Variants in EVI5 observed in about 807,000 individuals in gnomAD.
EVI5 encodes the protein ecotropic viral integration site 5 protein homolog.
A neutral mutation model predicts 112.0 loss-of-function variants in EVI5; 73 were observed. That is an observed-to-expected ratio of 0.65 (90% CI 0.54 to 0.79). The LOEUF is 0.79. Ranked by LOEUF, EVI5 falls within the 30% of genes least tolerant of loss-of-function variation. EVI5 has a pLI of 0.00. For missense variants in EVI5, 900 were observed against 968.8 expected (o/e 0.93, Z 0.94); for synonymous variants, 305 against 319.9 (o/e 0.95, Z 0.50).
chr1:92,708,285 A>G (rs1179463061), intron 2 of EVI5, among the ~76,000 whole-genome samples: 1 of 152,162 alleles, frequency 6.6e-6, no homozygotes, highest in Non-Finnish European at 1.5e-5. Context: ...AACCCTTACA[A>G]ATCAACAATA....
At chr1:92,641,436 G>A (rs527372949) in intron 13 of EVI5, among the ~76,000 whole-genome samples, 1 of 152,220 alleles carries the variant, frequency 6.6e-6, no homozygotes, top group African/African-American at 2.4e-5. Flanking sequence ...CATAGGAAGT[G>A]GAAGTTGAAT....
chr1:92,543,475 T>C (rs1557748848), intron 19 of EVI5, among the ~76,000 whole-genome samples: 1 of 152,220 alleles, frequency 6.6e-6, no homozygotes, highest in Non-Finnish European at 1.5e-5. Flanking sequence ...CACTCAAACT[T>C]TCTCCATATC....
intron 1 of EVI5, among the ~76,000 whole-genome samples, chr1:92,736,840 T>C (rs1026654889): frequency 1.3e-5 from 2 of 152,186 alleles, no homozygotes; most frequent in African/African-American, 4.8e-5. Context: ...CAGAACAGTG[T>C]TCCAAACTGA....
At chr1:92,602,700 C>T (rs1557878448) in intron 18 of EVI5, among the ~76,000 whole-genome samples, 2 of 152,146 alleles carry the variant, frequency 1.3e-5, no homozygotes, top group East Asian at 3.9e-4. Flanking sequence ...AGTTACTGTG[C>T]CCTGTAAAAA....
rs552391447 is a variant in EVI5, at chr1:92,784,747, G to A, written c.-82+89C>T. On this transcript the variant is annotated intron_variant, in intron 1 of 19. Coordinates refer to ENST00000684568, the MANE Select transcript of EVI5 (RefSeq NM_001350197.2). Reference sequence around the variant, plus strand: ...AAACTTGCGGCGGCCCCCGCCCGCCGCGCCTCGGCCCAGCTGTGCGCCAGC... The same window carrying A: ...AAACTTGCGGCGGCCCCCGCCCGCCACGCCTCGGCCCAGCTGTGCGCCAGC... The A allele has an allele frequency of 2.3e-4, 217 of 924,108 alleles. No homozygotes were observed. The African/African-American group carries it at 3.3e-3, about 14-fold the overall frequency. The allele number at this position is 924,108 out of a possible 1,614,324, so 57.2% of individuals were successfully genotyped here.
At chr1:92,780,303 G>C (rs568482275) in intron 1 of EVI5, among the ~76,000 whole-genome samples, 79 of 152,180 alleles carry the variant, frequency 5.2e-4, no homozygotes, top group Non-Finnish European at 1.0e-3. Context: ...ACCCCGTCTT[G>C]GGTATTCTTC....
chr1:92,643,213 T>G (rs1660306796), intron 13 of EVI5, among the ~76,000 whole-genome samples: 1 of 151,966 alleles, frequency 6.6e-6, no homozygotes, highest in African/African-American at 2.4e-5. Context: ...TTAATCTATA[T>G]CTCAGTTTGA....
chr1:92,658,645 G>A (rs995456734), intron 13 of EVI5, among the ~76,000 whole-genome samples: 3 of 152,118 alleles, frequency 2.0e-5, no homozygotes, highest in African/African-American at 7.2e-5. Context: ...TCATTAAAAT[G>A]ACCATACTGC....
chr1:92,629,182 T>C (rs1479038708), intron 14 of EVI5, among the ~76,000 whole-genome samples: 2 of 152,226 alleles, frequency 1.3e-5, no homozygotes, highest in African/African-American at 4.8e-5. Flanking sequence ...GCTGGCTTTT[T>C]TTCTCAACAA....
intron 6 of EVI5, 113 bp downstream of exon 6, chr1:92,697,743 CACTT>C (rs1670532882): frequency 3.7e-6 from 3 of 817,972 alleles, no homozygotes; most frequent in Non-Finnish European, 5.8e-6. Context: ...GTAATTAAAA[CACTT>C]ACTTCTTCAA....
At chr1:92,615,558 G>A (rs1271307595) in intron 16 of EVI5, among the ~76,000 whole-genome samples, 1 of 152,138 alleles carries the variant, frequency 6.6e-6, no homozygotes, top group Non-Finnish European at 1.5e-5. Context: ...AAACTCTGAT[G>A]AACCTTTTTT....
At chr1:92,745,420 T>C (rs971080888) in intron 1 of EVI5, among the ~76,000 whole-genome samples, 1 of 152,164 alleles carries the variant, frequency 6.6e-6, no homozygotes, top group African/African-American at 2.4e-5. Context: ...TACTTTCACA[T>C]ACATTATCAC....
chr1:92,648,231 G>A lies in EVI5; in HGVS notation c.1393-11895C>T, dbSNP rs540184148. 1.6e-4 allele frequency among the ~76,000 whole-genome samples: 22 copies of A among 139,882 alleles called. 1 individual carries two copies. The highest frequency in any genetic ancestry group is 8.5e-4 in the East Asian group (4 of 4,694). 91.8% of individuals were successfully genotyped at this position (139,882 alleles called of 152,430 possible). A position where few individuals can be genotyped will look rare whatever the true frequency, so the allele number is the denominator to read the frequency against. ...AAAAAAAAAAAAACAAAAACCAGCC[G>A]GGCATGGTGGCAGGTGCCTTAGTCC... On this transcript the variant is annotated intron_variant, in intron 13 of 19. Coordinates refer to ENST00000684568, the MANE Select transcript of EVI5 (RefSeq NM_001350197.2).
chr1:92,661,232 T>C (rs1041576122), intron 13 of EVI5, among the ~76,000 whole-genome samples: 13 of 152,092 alleles, frequency 8.5e-5, no homozygotes, highest in African/African-American at 2.7e-4. Context: ...TTCTGAAACT[T>C]TGAAGAATTC....
chr1:92,716,320 G>A (rs1054943127), intron 2 of EVI5, among the ~76,000 whole-genome samples: 2 of 152,306 alleles, frequency 1.3e-5, no homozygotes, highest in African/African-American at 4.8e-5. Flanking sequence ...TGATACCCAG[G>A]CAAACAGGGT....
chr1:92,734,310 T>C (rs1676991129), intron 2 of EVI5, among the ~76,000 whole-genome samples: 2 of 152,214 alleles, frequency 1.3e-5, no homozygotes, highest in Admixed American at 1.3e-4. Flanking sequence ...AGAAGAAAGA[T>C]GGGATAGCTC....
At chr1:92,556,731 T>C (rs1328817418) in intron 19 of EVI5, among the ~76,000 whole-genome samples, 1 of 152,228 alleles carries the variant, frequency 6.6e-6, no homozygotes, top group East Asian at 1.9e-4. Context: ...TTGATATATA[T>C]TTAAATCCAT....
chr1:92,569,871 A>G (rs945797691), intron 18 of EVI5, among the ~76,000 whole-genome samples: 2 of 141,398 alleles, frequency 1.4e-5, no homozygotes, highest in African/African-American at 2.6e-5. Context: ...AAAAAAAAAA[A>G]AAAAAAGAAA....
intron 2 of EVI5, among the ~76,000 whole-genome samples, chr1:92,719,338 C>T (rs1674353245): frequency 6.6e-6 from 1 of 152,002 alleles, no homozygotes; most frequent in African/African-American, 2.4e-5. Context: ...CATCAAAAAG[C>T]TTATCCACTA....
Sources: allele counts gnomAD v4.1 joint callset (sites outside exome capture counted in the v4.1 genomes callset), GRCh38; gene constraint gnomAD v4.1.1; transcripts MANE v1.5; gene names NCBI Gene and HGNC (gene_info 2026-07-23, HGNC 2026-07-21).